The following ATP2B3 variants were observed in gnomAD, a reference collection of about 807,000 sequenced individuals.
The protein encoded by ATP2B3 is plasma membrane calcium-transporting ATPase 3.
ATP2B3 carries 12 observed loss-of-function variants against 70.8 expected under a neutral mutation model. That is an observed-to-expected ratio of 0.17 (90% CI 0.11 to 0.27). The LOEUF is 0.27. ATP2B3 is among the 10% of genes least tolerant of loss of function. The probability of loss-of-function intolerance (pLI) is 1.00; values close to 1 mark genes in which losing one functional copy is unlikely to be tolerated. For missense variants in ATP2B3, 858 were observed against 1,118.5 expected (o/e 0.77, Z 3.32); for synonymous variants, 460 against 497.8 (o/e 0.92, Z 1.01).
At position 153,582,487 on chromosome X, in the gene ATP2B3, C is replaced by T. The variant is rs782500656; in HGVS notation, c.*2189C>T. On this transcript the variant is annotated 3_prime_UTR_variant, in exon 22 of 22. Coordinates refer to ENST00000263519, the MANE Select transcript of ATP2B3 (RefSeq NM_001001344.3). The stretch of plus-strand genomic sequence containing the variant: ...GCACTCACCGGCTTCTTCTCACTCT[C>T]TGTCGTAGACACACCGATAGGACCA... 8.9e-6 allele frequency: 1 copy of T among 112,886 alleles called. No individual in the cohort carries two copies. Among genetic ancestry groups the T allele is most frequent in the Admixed American group, 9.3e-5 (1 of 10,698 alleles). 9.3% of individuals were successfully genotyped at this position (112,886 alleles called of 1,213,427 possible). A position where few individuals can be genotyped will look rare whatever the true frequency, so the allele number is the denominator to read the frequency against.
chrX:153,518,447 C>G lies in ATP2B3; in HGVS notation c.-231C>G, dbSNP rs1602998573. Among the ~76,000 whole-genome samples the G allele has an allele frequency of 8.8e-6, 1 of 113,232 alleles. No individual in the cohort carries two copies. The highest frequency in any genetic ancestry group is 1.9e-5 in the Non-Finnish European group (1 of 53,344). On this transcript the variant is annotated 5_prime_UTR_variant, in exon 2 of 22. Transcript: ENST00000263519. ...ATCCCTCCAGGAACGGCTGTCTCCC[C>G]CTCCTCGCCTGTGTGACCTTGGCCA...
chrX:153,542,769 G>T (rs1344373289), intron 6 of ATP2B3, among the ~76,000 whole-genome samples: 1 of 113,076 alleles, frequency 8.8e-6, no homozygotes, highest in Non-Finnish European at 1.9e-5. Context: ...TATCCAGTGG[G>T]GGTAGTGTTC....
chrX:153,521,649 G>A (rs2124296007), intron 2 of ATP2B3, among the ~76,000 whole-genome samples: 1 of 111,946 alleles, frequency 8.9e-6, no homozygotes, highest in South Asian at 3.7e-4. Context: ...TTCTGTAGGT[G>A]GGTCTCTCAG....
At chrX:153,527,267 C>G (rs1557000185) in intron 2 of ATP2B3, among the ~76,000 whole-genome samples, 1 of 112,537 alleles carries the variant, frequency 8.9e-6, no homozygotes, top group African/African-American at 3.2e-5. Context: ...CCCGGCTTCC[C>G]ATTGGACCCC....
intron 8 of ATP2B3, among the ~76,000 whole-genome samples, chrX:153,547,374 C>T (rs1030072152): frequency 3.6e-5 from 4 of 111,143 alleles, no homozygotes; most frequent in African/African-American, 9.8e-5. Context: ...GGAGCCCGAA[C>T]AGGCGCAGGG....
intron 6 of ATP2B3, among the ~76,000 whole-genome samples, 191 bp downstream of exon 6, chrX:153,542,639 G>A (rs782769566): frequency 4.0e-4 from 45 of 113,132 alleles, no homozygotes; most frequent in African/African-American, 1.3e-3. Flanking sequence ...GCCACAGGGC[G>A]AGGAAGCTGG....
rs112792135 is a variant in ATP2B3 at position 153,543,083 on chromosome X, C to T, written c.831C>T (p.Thr277=). The change falls in exon 7 of 22, where the codon ACC becomes ACT. Residue 277 remains threonine, a synonymous_variant. Transcript: ENST00000263519. ...AAGGTTCTGGAAGAATGGTGGTGAC[C>T]GCCGTTGGCGTGAATTCCCAGACAG... ...VMEGSGRMVV[T]AVGVNSQTGI... 257 of 1,210,887 alleles carry T rather than the reference C, an allele frequency of 2.1e-4. 2 individuals carry two copies. The African/African-American group carries it at 3.7e-3, about 18-fold the overall frequency.
rs782573447 is a variant in ATP2B3 at position 153,548,627 on chromosome X, C to G, written c.1124-13C>G. The G allele has an allele frequency of 1.7e-6, 2 of 1,204,745 alleles. No homozygotes were observed. Among genetic ancestry groups the G allele is most frequent in the East Asian group, 3.0e-5 (1 of 33,726 alleles). The stretch of plus-strand genomic sequence containing the variant: ...GTGGCAACCCCTTTCGTCTCCTCCC[C>G]GCTCTGTGGCAGGGCTGGTGATGTC... On this transcript the variant is annotated splice_polypyrimidine_tract_variant and intron_variant, in intron 9 of 21. Coordinates refer to ENST00000263519, the MANE Select transcript of ATP2B3 (RefSeq NM_001001344.3).
chrX:153,566,973 G>T (rs1361486200), intron 21 of ATP2B3, among the ~76,000 whole-genome samples: 1 of 112,392 alleles, frequency 8.9e-6, no homozygotes, highest in African/African-American at 3.2e-5. Context: ...GCCCCCCAGG[G>T]GTCCAAGGGG....
Position 153,556,181 on chromosome X carries a change from C to T in ATP2B3, c.2191C>T (p.Leu731=), listed in dbSNP as rs2090531443. ...IIQPGEDFLC[L]EGKEFNRRIR... ...CCAGCCCGGGGAGGACTTCCTGTGC[C>T]TAGAAGGGAAGGAGTTCAACCGGCG... The change falls in exon 14 of 22, where the codon CTA becomes TTA. Residue 731 remains leucine (L), a synonymous_variant. Transcript: ENST00000263519. 1.7e-6 allele frequency: 2 copies of T among 1,211,250 alleles called. No homozygotes were observed.
Position 153,556,118 on chromosome X carries a change from A to T in ATP2B3, c.2128A>T (p.Asn710Tyr). The change falls in exon 14 of 22, where the codon AAC becomes TAC. Residue 710 changes from asparagine to tyrosine, a missense_variant. By Grantham distance (143) the Asn-to-Tyr change is moderately radical (BLOSUM62 -2). Transcript: ENST00000263519. ...CCGCATGGTGACTGGGGACAACATC[A>T]ACACGGCCCGGGCCATCGCAGCCAA... ...TVRMVTGDNI[N>Y]TARAIAAKCG... is the part of the protein sequence containing the mutation. 8.2e-7 allele frequency: 1 copy of T among 1,212,228 alleles called. No individual in the cohort carries two copies.
Position 153,559,717 on chromosome X carries a change from T to A in ATP2B3, c.2626-12T>A. ...GGCGGCCCATGGAAAGGTGACTGCC[T>A]CCTCTCCATAGGACTCTCCTCTCAA... is the stretch of plus-strand genomic sequence containing the variant. On this transcript the variant is annotated splice_polypyrimidine_tract_variant and intron_variant, in intron 17 of 21. Transcript: ENST00000263519. The A allele has an allele frequency of 8.3e-7, 1 of 1,201,378 alleles. No homozygotes were observed. The highest frequency in any genetic ancestry group is 1.1e-6 in the Non-Finnish European group (1 of 887,945).
At chrX:153,558,720 T>C in intron 17 of ATP2B3, among the ~76,000 whole-genome samples, 1 of 112,377 alleles carries the variant, frequency 8.9e-6, no homozygotes, top group Middle Eastern at 4.6e-3. Context: ...CACCGTGTTT[T>C]CAGGCTCACA....
Position 153,542,396 on chromosome X carries a change from C to A in ATP2B3, c.738C>A (p.Gly246=). The change falls in exon 6 of 22, where the codon GGC becomes GGA. Residue 246 remains glycine, a synonymous_variant. Coordinates refer to ENST00000263519, the MANE Select transcript of ATP2B3 (RefSeq NM_001001344.3). The part of the protein sequence containing the change: ...DLKIDESSLT[G]ESDHVRKSAD... ...AGATCGACGAGAGCTCCCTGACGGG[C>A]GAGTCTGACCACGTGCGCAAGTCAG... 2 of 1,211,690 alleles carry A rather than the reference C, an allele frequency of 1.7e-6. No homozygotes were observed. The highest frequency in any genetic ancestry group is 1.8e-5 in the South Asian group (1 of 57,032).
At chrX:153,533,972 C>T (rs2090153479) in intron 2 of ATP2B3, among the ~76,000 whole-genome samples, 1 of 112,002 alleles carries the variant, frequency 8.9e-6, no homozygotes, top group African/African-American at 3.3e-5. Context: ...ACGAGGAACC[C>T]CTGCTCTGAG....
At position 153,570,713 on chromosome X, in the gene ATP2B3, A is replaced by G. The variant is rs782369172; in HGVS notation, c.3342+5610A>G. Among the ~76,000 whole-genome samples, 107 of 111,155 alleles carry G rather than the reference A, an allele frequency of 9.6e-4. No individual in the cohort carries two copies. The Middle Eastern group carries it at 0.019, about 19-fold the overall frequency. On this transcript the variant is annotated intron_variant, in intron 21 of 21. Transcript: ENST00000263519. ...CCAGGGCCTTTGCCAGGATGGTTCT[A>G]TGCTACCTCTTTCCTTTCCTTCTAG...
chrX:153,579,545 T>A (rs187281124), intron 21 of ATP2B3, among the ~76,000 whole-genome samples: 14 of 112,208 alleles, frequency 1.2e-4, no homozygotes, highest in Non-Finnish European at 2.4e-4. Context: ...CAAATTGGAA[T>A]TCAGATTGGG....
intron 2 of ATP2B3, among the ~76,000 whole-genome samples, chrX:153,521,327 A>G (rs1290490101): frequency 8.8e-6 from 1 of 113,091 alleles, no homozygotes; most frequent in Non-Finnish European, 1.9e-5. Context: ...GAGAAGGATC[A>G]GAGCCACGCG....
chrX:153,529,212 G>T (rs1313044359), intron 2 of ATP2B3, among the ~76,000 whole-genome samples: 1 of 112,112 alleles, frequency 8.9e-6, no homozygotes, highest in African/African-American at 3.2e-5. Context: ...GAGGGCAGGA[G>T]CAGTGGTGAT....
Sources: allele counts gnomAD v4.1 joint callset (sites outside exome capture counted in the v4.1 genomes callset), GRCh38; gene constraint gnomAD v4.1.1; transcripts MANE v1.5; gene names NCBI Gene and HGNC (gene_info 2026-07-23, HGNC 2026-07-21).